GNB5: variants seen among roughly 807,000 people sequenced by gnomAD.
GNB5 encodes the protein G protein subunit beta 5.
A neutral mutation model predicts 55.3 loss-of-function variants in GNB5; 37 were observed. The ratio of observed to expected loss-of-function variants is 0.67; its 90% CI spans 0.51 to 0.88. The LOEUF (loss-of-function observed/expected upper bound fraction) is 0.88, where lower values mean the gene tolerates loss of function less well. GNB5 is among the 40% of genes least tolerant of loss of function. The pLI, the probability that GNB5 is intolerant of heterozygous loss-of-function variation, is 0.00. For missense variants in GNB5, 476 were observed against 515.3 expected, an observed-to-expected ratio of 0.92 and a Z score of 0.74; for synonymous variants, 219 against 198.5, an observed-to-expected ratio of 1.10 and a Z score of -0.87.
chr15:52,128,346 C>A, intron 9 of GNB5, 102 bp from the exon 10 acceptor site: 1 of 775,904 alleles, frequency 1.3e-6, no homozygotes, highest in Non-Finnish European at 2.3e-6. Flanking sequence ...TTTCTAGGGA[C>A]TCAAGGAACA....
At chr15:52,149,604 T>G (rs7172434) in intron 5 of GNB5, 11 of 591,524 alleles carry the variant, frequency 1.9e-5, no homozygotes, top group Non-Finnish European at 3.0e-5. Context: ...GCACATGTGG[T>G]TGCAAGTTTT....
chr15:52,180,136 C>T (rs1024813868), intron 2 of GNB5: 1 of 294,400 alleles, frequency 3.4e-6, no homozygotes. Flanking sequence ...AGTGTGACGC[C>T]CATTTTACCA....
At chr15:52,181,445 C>G (rs532274168) in intron 2 of GNB5, among the ~76,000 whole-genome samples, 1 of 152,126 alleles carries the variant, frequency 6.6e-6, no homozygotes, top group East Asian at 1.9e-4. Context: ...ATGAAACCCT[C>G]TCTCTACTAA....
rs1218542728 is a variant in GNB5, at chr15:52,153,956, ATCC to A, written c.356_358del (p.Arg119del). On this transcript the variant is annotated inframe_deletion, in exon 4 of 13. Transcript: ENST00000261837. ...GTGACATACCTGTGACGAGCTCACGATCCTCCTCTTATCTTTGCACCAGTCCAT... is the reference window on the plus strand; with the variant it reads ...GTGACATACCTGTGACGAGCTCACGATCCTCTTATCTTTGCACCAGTCCAT... 19 of 1,613,346 alleles carry A rather than the reference ATCC, an allele frequency of 1.2e-5. No individual in the cohort carries two copies. Among genetic ancestry groups the A allele is most frequent in the Non-Finnish European group, 1.5e-5 (18 of 1,179,492 alleles).
chr15:52,124,459 A>G lies in GNB5; in HGVS notation c.1176+14T>C. On this transcript the variant is annotated intron_variant, in intron 12 of 12. Coordinates refer to ENST00000261837, the MANE Select transcript of GNB5 (RefSeq NM_016194.4). Reference sequence around the variant, plus strand: ...CCTCTCACACACAGGAAAACAGAAAACCATCCCTCTTACTCTGAGGGTATG... The same window carrying G: ...CCTCTCACACACAGGAAAACAGAAAGCCATCCCTCTTACTCTGAGGGTATG... The G allele has an allele frequency of 1.2e-6, 2 of 1,603,042 alleles. No homozygotes were observed. Among genetic ancestry groups the G allele is most frequent in the Non-Finnish European group, 1.7e-6 (2 of 1,172,246 alleles).
chr15:52,169,413 C>G (rs2034512260), intron 3 of GNB5, among the ~76,000 whole-genome samples: 1 of 150,350 alleles, frequency 6.7e-6, no homozygotes, highest in African/African-American at 2.4e-5. Flanking sequence ...TGGTGGGCAC[C>G]TGTAATCCCA....
intron 3 of GNB5, among the ~76,000 whole-genome samples, chr15:52,176,350 C>CGCTCAT (rs1219390936): frequency 1.3e-5 from 2 of 152,188 alleles, no homozygotes; most frequent in Non-Finnish European, 2.9e-5. Context: ...TAAGCCTGCT[C>CGCTCAT]GCTCATCGCA....
At chr15:52,164,308 T>TAAAAAAAAAA (rs56029917) in intron 3 of GNB5, among the ~76,000 whole-genome samples, 4 of 50,432 alleles carry the variant, frequency 7.9e-5, no homozygotes, top group African/African-American at 2.7e-4. Flanking sequence ...GACTCTGTCT[T>TAAAAAAAAAA]AAAAAAAAAA....
At chr15:52,135,862 C>G in intron 7 of GNB5, 106 bp from the exon 8 acceptor site, 1 of 664,150 alleles carries the variant, frequency 1.5e-6, no homozygotes, top group East Asian at 2.8e-5. Context: ...AACACACACA[C>G]ACACACACAC....
intron 3 of GNB5, among the ~76,000 whole-genome samples, chr15:52,169,071 C>T (rs2034504089): frequency 6.6e-6 from 1 of 152,198 alleles, no homozygotes; most frequent in African/African-American, 2.4e-5. Context: ...CGCCTGTAAT[C>T]CCAGCATTTT....
intron 2 of GNB5, 66 bp from the exon 3 acceptor site, chr15:52,179,945 C>A: frequency 2.1e-6 from 3 of 1,433,052 alleles, no homozygotes; most frequent in East Asian, 3.3e-5. Flanking sequence ...CGGCGGGCGC[C>A]GCTCCAGCAG....
chr15:52,155,307 T>G (rs1412353562), intron 3 of GNB5, among the ~76,000 whole-genome samples: 1 of 152,170 alleles, frequency 6.6e-6, no homozygotes, highest in Admixed American at 6.5e-5. Flanking sequence ...TGCTGAGGCT[T>G]GACGGGGCCG....
intron 7 of GNB5, 52 bp downstream of exon 7, chr15:52,141,088 C>T: frequency 6.3e-7 from 1 of 1,574,860 alleles, no homozygotes; most frequent in South Asian, 1.1e-5. Flanking sequence ...CTCTCAGCTC[C>T]TCTTTAGTGC....
In GNB5 at chr15:52,166,378, G is replaced by A. The variant is rs140611512; in HGVS notation, c.239-12302C>T. Among the ~76,000 whole-genome samples the A allele has an allele frequency of 8.9e-3, 1,356 of 152,194 alleles. 17 individuals are homozygous for A. Among genetic ancestry groups the A allele is most frequent in the Non-Finnish European group, 0.015 (1,027 of 67,984 alleles). ...CTACAGAATTCTCCATCCAAAAACA[G>A]AATATACATTCTTCTCATCACCACA... is the stretch of plus-strand genomic sequence containing the variant. On this transcript the variant is annotated intron_variant, in intron 3 of 12. Transcript: ENST00000261837.
At chr15:52,134,064 G>A (rs953632974) in intron 8 of GNB5, among the ~76,000 whole-genome samples, 1 of 152,238 alleles carries the variant, frequency 6.6e-6, no homozygotes, top group Admixed American at 6.5e-5. Context: ...CCATCGACGC[G>A]CAGGGTGGCT....
At chr15:52,184,820 G>T in intron 1 of GNB5, 126 bp from the exon 2 acceptor site, 1 of 652,302 alleles carries the variant, frequency 1.5e-6, no homozygotes, top group Non-Finnish European at 2.6e-6. Context: ...AGTATATGCA[G>T]TTAATTTATA....
At chr15:52,147,402 A>G in intron 6 of GNB5, 57 bp downstream of exon 6, 2 of 958,566 alleles carry the variant, frequency 2.1e-6, no homozygotes, top group Non-Finnish European at 3.4e-6. Flanking sequence ...TTTTGCCAAG[A>G]GAACAGTATT....
intron 3 of GNB5, among the ~76,000 whole-genome samples, chr15:52,166,178 C>T (rs182197066): frequency 7.7e-4 from 117 of 152,116 alleles, no homozygotes; most frequent in Non-Finnish European, 1.3e-3. Context: ...ACAGGAGCAC[C>T]CAGATTCATA....
rs1328562471 is a variant in GNB5 at position 52,153,938 on chromosome 15, A to T, written c.375+2T>A. 6.2e-7 allele frequency: 1 copy of T among 1,610,520 alleles called. No individual in the cohort carries two copies. Among genetic ancestry groups the T allele is most frequent in the Non-Finnish European group, 8.5e-7 (1 of 1,177,566 alleles). On this transcript the variant is annotated splice_donor_variant, in intron 4 of 12. Coordinates refer to ENST00000261837, the MANE Select transcript of GNB5 (RefSeq NM_016194.4). LOFTEE classifies it high-confidence loss of function. Reference sequence around the variant, plus strand: ...ACCTGTTATGCAGCAGGTGTGACATACCTGTGACGAGCTCACGATCCTCCT... The same window carrying T: ...ACCTGTTATGCAGCAGGTGTGACATTCCTGTGACGAGCTCACGATCCTCCT...
Sources: gnomAD v4.1 joint callset for allele counts (sites outside exome capture counted in the v4.1 genomes callset) on GRCh38, gnomAD v4.1.1 for gene constraint, MANE v1.5 for transcripts, NCBI Gene and HGNC (gene_info 2026-07-23, HGNC 2026-07-21) for gene names.